The following ZNF804A variants were observed in gnomAD, a reference collection of about 807,000 sequenced individuals.
ZNF804A encodes zinc finger protein 804A.
Under a neutral mutation model 16.5 loss-of-function variants are expected in ZNF804A, and 2 were observed. That is an observed-to-expected ratio of 0.12 (90% CI 0.05 to 0.38). The LOEUF is 0.38. Ranked by LOEUF, ZNF804A falls within the 10% of genes least tolerant of loss-of-function variation. The pLI is 0.99. For synonymous variants in ZNF804A, 534 were observed against 489.6 expected, an observed-to-expected ratio of 1.09 and a Z score of -1.20; for missense variants, 1,473 against 1,390.7, an observed-to-expected ratio of 1.06 and a Z score of -0.94.
At chr2:184,868,173 T>G (rs1444254085) in intron 2 of ZNF804A, among the ~76,000 whole-genome samples, 2 of 152,078 alleles carry the variant, frequency 1.3e-5, no homozygotes, top group Admixed American at 6.6e-5. Context: ...TAAAAACAGC[T>G]ACTCAATCAA....
At chr2:184,847,160 C>G (rs1695532248) in intron 1 of ZNF804A, among the ~76,000 whole-genome samples, 1 of 152,036 alleles carries the variant, frequency 6.6e-6, no homozygotes, top group Admixed American at 6.6e-5. Context: ...TTGAGTTGTA[C>G]TCAATTTAGC....
chr2:184,789,794 T>G (rs533904398), intron 1 of ZNF804A, among the ~76,000 whole-genome samples: 11 of 152,134 alleles, frequency 7.2e-5, no homozygotes, highest in Non-Finnish European at 1.6e-4. Flanking sequence ...GTTTCATTGA[T>G]TCTTTGTATC....
At chr2:184,655,208 G>A (rs182086086) in intron 1 of ZNF804A, among the ~76,000 whole-genome samples, 8 of 152,290 alleles carry the variant, frequency 5.3e-5, no homozygotes, top group Admixed American at 4.6e-4. Flanking sequence ...GTGTGGCCAC[G>A]TTTTAGATAT....
Position 184,937,652 on chromosome 2 carries a change from G to A in ZNF804A, c.2256G>A (p.Gln752=), listed in dbSNP as rs367792346. 9.3e-6 allele frequency: 15 copies of A among 1,613,964 alleles called. No homozygotes were observed. Among genetic ancestry groups the A allele is most frequent in the Non-Finnish European group, 1.3e-5 (15 of 1,179,948 alleles). Residue 752 remains glutamine (Q), a synonymous_variant, in exon 4 of 4, where the codon CAG becomes CAA. Coordinates refer to ENST00000302277, the MANE Select transcript of ZNF804A (RefSeq NM_194250.2). ...ATATGAAACACATGAGTCAGAATCAGGCTGTTAAAAGAGGTTACAATTCTG... is the reference window on the plus strand; with the variant it reads ...ATATGAAACACATGAGTCAGAATCAAGCTGTTAAAAGAGGTTACAATTCTG... ...QNDMKHMSQN[Q]AVKRGYNSVM... is the part of the protein sequence containing the mutation.
chr2:184,809,026 A>T (rs1424747065), intron 1 of ZNF804A, among the ~76,000 whole-genome samples: 1 of 151,844 alleles, frequency 6.6e-6, no homozygotes, highest in Non-Finnish European at 1.5e-5. Flanking sequence ...TCAGAGATCT[A>T]ATGAAAAATT....
At chr2:184,712,603 T>C (rs1217710059) in intron 1 of ZNF804A, among the ~76,000 whole-genome samples, 1 of 151,838 alleles carries the variant, frequency 6.6e-6, no homozygotes, top group East Asian at 1.9e-4. Flanking sequence ...CCATTATTTC[T>C]TTAAATAAGC....
At chr2:184,709,957 A>G (rs553386948) in intron 1 of ZNF804A, among the ~76,000 whole-genome samples, 1 of 150,610 alleles carries the variant, frequency 6.6e-6, no homozygotes, top group South Asian at 2.1e-4. Flanking sequence ...TAATATACCT[A>G]ATTTAGTTAT....
At chr2:184,767,228 A>C (rs1694142187) in intron 1 of ZNF804A, among the ~76,000 whole-genome samples, 1 of 152,342 alleles carries the variant, frequency 6.6e-6, no homozygotes, top group African/African-American at 2.4e-5. Context: ...GCAGATAGAC[A>C]TAATGGAGTA....
chr2:184,894,419 A>G (rs1229394247), intron 2 of ZNF804A, among the ~76,000 whole-genome samples: 4 of 152,220 alleles, frequency 2.6e-5, no homozygotes, highest in East Asian at 1.9e-4. Flanking sequence ...ATATATTTGT[A>G]GTCATTTTTA....
At chr2:184,670,863 A>G (rs373261861) in intron 1 of ZNF804A, among the ~76,000 whole-genome samples, 35 of 152,172 alleles carry the variant, frequency 2.3e-4, no homozygotes, top group East Asian at 1.2e-3. Context: ...ATGGGTGTCT[A>G]TGTGTGCATT....
At position 184,933,709 on chromosome 2, in the gene ZNF804A, C is replaced by T; in HGVS notation, c.362C>T (p.Ala121Val). 6.2e-7 allele frequency: 1 copy of T among 1,604,142 alleles called. No individual in the cohort carries two copies. The highest frequency in any genetic ancestry group is 8.5e-7 in the Non-Finnish European group (1 of 1,177,166). The change falls in exon 3 of 4, where the codon GCT becomes GTT. Residue 121 changes from alanine to valine, a missense_variant. By Grantham distance (64) the Ala-to-Val change is moderately conservative. Coordinates refer to ENST00000302277, the MANE Select transcript of ZNF804A (RefSeq NM_194250.2). Reference sequence around the variant, plus strand: ...GCACTCCAACGCCTGCACAAGCTGGCTGAGCTAAGAAAGGAAACTGTATGG... The same window carrying T: ...GCACTCCAACGCCTGCACAAGCTGGTTGAGCTAAGAAAGGAAACTGTATGG... ...EKALQRLHKL[A>V]ELRKETVCAP...
At chr2:184,685,211 G>A (rs1417470591) in intron 1 of ZNF804A, among the ~76,000 whole-genome samples, 1 of 152,094 alleles carries the variant, frequency 6.6e-6, no homozygotes, top group African/African-American at 2.4e-5. Flanking sequence ...AGCTGGACCA[G>A]ATGTACCACA....
intron 1 of ZNF804A, among the ~76,000 whole-genome samples, chr2:184,703,299 T>A (rs1370217661): frequency 1.3e-5 from 2 of 152,120 alleles, no homozygotes; most frequent in East Asian, 3.9e-4. Context: ...TCTGTTAGAG[T>A]TTGATTTAAA....
intron 2 of ZNF804A, among the ~76,000 whole-genome samples, chr2:184,884,574 C>G (rs1176234591): frequency 6.6e-6 from 1 of 151,906 alleles, no homozygotes. Flanking sequence ...CTATGGTAAC[C>G]AGAGCACCAT....
chr2:184,900,754 G>A (rs1327139806), intron 2 of ZNF804A, among the ~76,000 whole-genome samples: 3 of 152,130 alleles, frequency 2.0e-5, no homozygotes, highest in Admixed American at 1.3e-4. Flanking sequence ...AAAAGAGAGC[G>A]AAATGAAATG....
rs1553486537 is a variant in ZNF804A, at chr2:184,892,505, T to TTA, written c.255+25993_255+25994insTA. Among the ~76,000 whole-genome samples the TTA allele has an allele frequency of 2.0e-3, 295 of 145,084 alleles. 4 individuals carry two copies. The East Asian group carries it at 0.038, about 19-fold the overall frequency. ...GTTCTTTTTTTTTTTTTTTTTTTTT[T>TTA]ATGGAGTCTTGCTCTGTTGCCTAGG... On this transcript the variant is annotated intron_variant, in intron 2 of 3. Coordinates refer to ENST00000302277, the MANE Select transcript of ZNF804A (RefSeq NM_194250.2).
intron 1 of ZNF804A, among the ~76,000 whole-genome samples, chr2:184,651,758 CAG>C (rs1691987166): frequency 6.6e-6 from 1 of 151,916 alleles, no homozygotes; most frequent in African/African-American, 2.4e-5. Context: ...TCACACTACT[CAG>C]AATAAGTATT....
intron 1 of ZNF804A, among the ~76,000 whole-genome samples, chr2:184,817,768 T>G (rs1695005131): frequency 6.6e-6 from 1 of 151,944 alleles, no homozygotes; most frequent in Non-Finnish European, 1.5e-5. Flanking sequence ...CAGTCACAGG[T>G]ATCAATACCA....
chr2:184,797,761 T>C (rs1269449116), intron 1 of ZNF804A, among the ~76,000 whole-genome samples: 1 of 152,070 alleles, frequency 6.6e-6, no homozygotes, highest in Admixed American at 6.6e-5. Flanking sequence ...GATTTTTTGC[T>C]CTTTGTTTTT....
Sources: allele counts gnomAD v4.1 joint callset (sites outside exome capture counted in the v4.1 genomes callset), GRCh38; gene constraint gnomAD v4.1.1; transcripts MANE v1.5; gene names NCBI Gene and HGNC (gene_info 2026-07-23, HGNC 2026-07-21).